PLCL1: variants seen among roughly 807,000 people sequenced by gnomAD.
PLCL1 encodes the protein phospholipase C like 1 (inactive).
A neutral mutation model predicts 84.4 loss-of-function variants in PLCL1; 41 were observed. That is an observed-to-expected ratio of 0.49 (90% CI 0.38 to 0.63). PLCL1 has a LOEUF of 0.63. Among genes scored for constraint, PLCL1 ranks in the 30% least tolerant of loss-of-function variants. The pLI, the probability that PLCL1 is intolerant of heterozygous loss-of-function variation, is 0.00. For synonymous variants in PLCL1, 490 were observed against 488.3 expected, an observed-to-expected ratio of 1.00 and a Z score of -0.05; for missense variants, 1,206 against 1,367.8, an observed-to-expected ratio of 0.88 and a Z score of 1.87.
chr2:197,991,526 CCA>C (rs1012020672), intron 1 of PLCL1, among the ~76,000 whole-genome samples: 5 of 152,012 alleles, frequency 3.3e-5, no homozygotes, highest in African/African-American at 1.2e-4. Flanking sequence ...TTTTTGTCAC[CCA>C]CTTTTGTTCT....
chr2:197,857,560 A>T (rs1232152773), intron 1 of PLCL1, among the ~76,000 whole-genome samples: 2 of 152,188 alleles, frequency 1.3e-5, no homozygotes, highest in Non-Finnish European at 2.9e-5. Flanking sequence ...GCAAACAAGC[A>T]GTCTATTTAA....
intron 3 of PLCL1, among the ~76,000 whole-genome samples, chr2:198,091,667 A>T (rs1351676001): frequency 6.6e-6 from 1 of 150,646 alleles, no homozygotes; most frequent in Non-Finnish European, 1.5e-5. Flanking sequence ...GTGACAGAGC[A>T]AGATGCAATC....
At chr2:198,137,815 A>G (rs1462505494) in intron 5 of PLCL1, among the ~76,000 whole-genome samples, 1 of 152,174 alleles carries the variant, frequency 6.6e-6, no homozygotes, top group East Asian at 1.9e-4. Context: ...GTTATTTTAT[A>G]TATACCTGTA....
At chr2:197,866,052 T>C (rs1334005191) in intron 1 of PLCL1, among the ~76,000 whole-genome samples, 6 of 86,752 alleles carry the variant, frequency 6.9e-5, no homozygotes, top group East Asian at 2.9e-4. Flanking sequence ...TATATATATA[T>C]ACACACACAC....
At chr2:197,844,252 A>G (rs1559022528) in intron 1 of PLCL1, among the ~76,000 whole-genome samples, 1 of 152,154 alleles carries the variant, frequency 6.6e-6, no homozygotes, top group East Asian at 1.9e-4. Flanking sequence ...TCAGCACCCC[A>G]GAAGGAGCAC....
At chr2:198,083,734 CA>C in intron 1 of PLCL1, 23 bp from the exon 2 acceptor site, 6 of 1,487,006 alleles carry the variant, frequency 4.0e-6, no homozygotes, top group East Asian at 2.3e-5. Flanking sequence ...GAAATTGATT[CA>C]TTTTTTTCAA....
intron 1 of PLCL1, among the ~76,000 whole-genome samples, chr2:197,848,243 G>A (rs967253417): frequency 6.6e-6 from 1 of 152,146 alleles, no homozygotes; most frequent in Non-Finnish European, 1.5e-5. Context: ...GCACAGGTGA[G>A]TGGTTGGCAC....
intron 1 of PLCL1, among the ~76,000 whole-genome samples, chr2:197,983,190 C>CTTTTTTTTT (rs1445206643): frequency 3.0e-5 from 2 of 66,068 alleles, no homozygotes; most frequent in African/African-American, 1.1e-4. Context: ...TTTTCTTTTT[C>CTTTTTTTTT]TTTTCTTTTC....
intron 1 of PLCL1, among the ~76,000 whole-genome samples, chr2:197,914,405 C>T (rs1176105232): frequency 6.6e-6 from 1 of 151,656 alleles, no homozygotes; most frequent in Non-Finnish European, 1.5e-5. Flanking sequence ...TCTCGGCTCA[C>T]CTCAACCTCT....
At chr2:197,923,711 C>G (rs1410582809) in intron 1 of PLCL1, among the ~76,000 whole-genome samples, 1 of 146,254 alleles carries the variant, frequency 6.8e-6, no homozygotes, top group Non-Finnish European at 1.5e-5. Context: ...ACATCCCAGA[C>G]GATGGGCGGC....
intron 5 of PLCL1, among the ~76,000 whole-genome samples, chr2:198,109,128 AT>A (rs1212944920): frequency 6.6e-6 from 1 of 151,844 alleles, no homozygotes; most frequent in Non-Finnish European, 1.5e-5. Flanking sequence ...ACAGAAATTT[AT>A]TTCTCACAGT....
At position 197,805,056 on chromosome 2, in the gene PLCL1, C is replaced by A. The variant is rs903527291; in HGVS notation, c.-44C>A. ...GTGCCTAGCGGCTGGACTCCGCTGC[C>A]GGGCGTCCCGCTTTCCCCCGGGGAG... On this transcript the variant is annotated 5_prime_UTR_variant, in exon 1 of 6. Coordinates refer to ENST00000428675, the MANE Select transcript of PLCL1 (RefSeq NM_006226.4). This position sits in a 1 kb window ranked among gnomAD's most constrained non-coding sequence, Gnocchi z 4.0. 2.1e-6 allele frequency: 3 copies of A among 1,419,174 alleles called. No homozygotes were observed. The highest frequency in any genetic ancestry group is 2.7e-6 in the Non-Finnish European group (3 of 1,092,116). The allele number at this position is 1,419,174 out of a possible 1,614,324, so 87.9% of individuals were successfully genotyped here.
chr2:197,918,971 T>TCACA (rs1553502312), intron 1 of PLCL1, among the ~76,000 whole-genome samples: 47 of 144,652 alleles, frequency 3.2e-4, no homozygotes, highest in African/African-American at 5.3e-4. Context: ...TCTCTCTCCC[T>TCACA]CACACACACA....
rs554047366 is a variant in PLCL1 at position 197,818,629 on chromosome 2, C to G, written c.240+13290C>G. Among the ~76,000 whole-genome samples the G allele has an allele frequency of 4.5e-4, 68 of 152,232 alleles. 2 individuals are homozygous for G. In the South Asian group the frequency reaches 9.9e-3, roughly 22 times the overall value. ...AACAATCCTCCTGATTCAGCCTTCT[C>G]AGTAGCTGGGACTACAGCACATGCC... On this transcript the variant is annotated intron_variant, in intron 1 of 5. Coordinates refer to ENST00000428675, the MANE Select transcript of PLCL1 (RefSeq NM_006226.4).
chr2:197,988,322 A>G (rs1690261369), intron 1 of PLCL1, among the ~76,000 whole-genome samples: 1 of 152,102 alleles, frequency 6.6e-6, no homozygotes, highest in Non-Finnish European at 1.5e-5. Flanking sequence ...ATTTTAGTGT[A>G]CCTATCACCC....
rs528458431 is a variant in PLCL1, at chr2:198,107,578, G to T, written c.3105+3642G>T. On this transcript the variant is annotated intron_variant, in intron 5 of 5. Transcript: ENST00000428675. ...CATATATGTTAGCTGTTATTTGTTTGTTTGCCAGGTGAGGATAAACATGGA... is the reference window on the plus strand; with the variant it reads ...CATATATGTTAGCTGTTATTTGTTTTTTTGCCAGGTGAGGATAAACATGGA... Among the ~76,000 whole-genome samples the T allele has an allele frequency of 4.3e-4, 66 of 152,032 alleles. No individual in the cohort carries two copies. In the South Asian group the frequency reaches 5.2e-3, roughly 12 times the overall value.
At chr2:197,983,200 C>CTTTTTTTCTTTTTTTTTTTTTTTT (rs1690150482) in intron 1 of PLCL1, among the ~76,000 whole-genome samples, 1 of 60,256 alleles carries the variant, frequency 1.7e-5, no homozygotes, top group African/African-American at 6.4e-5. Flanking sequence ...CTTTTCTTTT[C>CTTTTTTTCTTTTTTTTTTTTTTTT]TTTTTTTTTT....
chr2:197,908,647 A>G (rs980889715), intron 1 of PLCL1, among the ~76,000 whole-genome samples: 1 of 152,184 alleles, frequency 6.6e-6, no homozygotes, highest in African/African-American at 2.4e-5. Flanking sequence ...GCTAAACATA[A>G]ATGTTAATGA....
intron 1 of PLCL1, among the ~76,000 whole-genome samples, chr2:197,923,964 C>G (rs1007569480): frequency 6.6e-6 from 1 of 151,732 alleles, no homozygotes; most frequent in Non-Finnish European, 1.5e-5. Flanking sequence ...GAGACCGGCC[C>G]GGCCAACACA....
Sources: allele counts gnomAD v4.1 joint callset (sites outside exome capture counted in the v4.1 genomes callset), GRCh38; gene constraint gnomAD v4.1.1; non-coding constraint Gnocchi (gnomAD v3.1); transcripts MANE v1.5; gene names NCBI Gene and HGNC (gene_info 2026-07-23, HGNC 2026-07-21).